Variants in PLXNA4 observed in about 807,000 individuals in gnomAD.
PLXNA4 encodes the protein plexin-A4.
PLXNA4 carries 44 observed loss-of-function variants against 191.8 expected under a neutral mutation model. The ratio of observed to expected loss-of-function variants is 0.23; its 90% confidence interval spans 0.18 to 0.29. The LOEUF (loss-of-function observed/expected upper bound fraction) is 0.29. Ranked by LOEUF, PLXNA4 falls within the 10% of genes least tolerant of loss-of-function variation. The probability of loss-of-function intolerance (pLI) is 1.00; values close to 1 mark genes in which losing one functional copy is unlikely to be tolerated. For synonymous variants in PLXNA4, 1,082 were observed against 1,009.5 expected, an observed-to-expected ratio of 1.07 and a Z score of -1.36; for missense variants, 1,800 against 2,488.8, an observed-to-expected ratio of 0.72 and a Z score of 5.89.
chr7:132,490,529 G>A (rs1797756284), intron 2 of PLXNA4, among the ~76,000 whole-genome samples: 1 of 146,988 alleles, frequency 6.8e-6, no homozygotes, highest in Admixed American at 7.0e-5. Flanking sequence ...AGGCTCAAGC[G>A]ATCCTCCAAC....
At chr7:132,273,985 A>G (rs1349199541) in intron 4 of PLXNA4, among the ~76,000 whole-genome samples, 1 of 149,868 alleles carries the variant, frequency 6.7e-6, no homozygotes, top group African/African-American at 2.5e-5. Context: ...CACCCATGCC[A>G]TAGAATACTA....
upstream of PLXNA4, among the ~76,000 whole-genome samples, chr7:132,578,262 C>T (rs1412501602): frequency 6.6e-6 from 1 of 152,030 alleles, no homozygotes; most frequent in East Asian, 1.9e-4. Context: ...TCCTCATACC[C>T]GCTCCCACCA....
At chr7:132,243,523 T>C (rs1348618758) in intron 4 of PLXNA4, among the ~76,000 whole-genome samples, 1 of 152,184 alleles carries the variant, frequency 6.6e-6, no homozygotes, top group Non-Finnish European at 1.5e-5. Flanking sequence ...TTGAAACTGG[T>C]GTTTAATAAT....
chr7:132,550,806 TTTGGGACTTA>T (rs56165604), intron 1 of PLXNA4, among the ~76,000 whole-genome samples: 145,704 of 151,910 alleles, frequency 0.96, 70,086 homozygotes, highest in East Asian at 1. Context: ...CCTCATCCAA[TTTGGGACTTA>T]TTGCAGTGCA....
intron 3 of PLXNA4, among the ~76,000 whole-genome samples, chr7:132,486,226 A>G (rs1419271589): frequency 6.6e-6 from 1 of 152,106 alleles, no homozygotes; most frequent in Non-Finnish European, 1.5e-5. Flanking sequence ...TTCCAGCAAA[A>G]TCCTCCTGCA....
intron 3 of PLXNA4, among the ~76,000 whole-genome samples, chr7:132,481,415 G>A (rs112776371): frequency 3.9e-5 from 6 of 152,056 alleles, no homozygotes; most frequent in African/African-American, 1.4e-4. Flanking sequence ...TACTCGATAC[G>A]GGTCCCAGGA....
intron 2 of PLXNA4, among the ~76,000 whole-genome samples, chr7:132,497,114 G>GCACA (rs1257499877): frequency 5.5e-5 from 4 of 73,066 alleles, no homozygotes; most frequent in Non-Finnish European, 9.4e-5. Context: ...GCACACTTGT[G>GCACA]CACGCACGCA....
chr7:132,477,159 G>A (rs576892624), intron 3 of PLXNA4, among the ~76,000 whole-genome samples: 1 of 152,300 alleles, frequency 6.6e-6, no homozygotes, highest in African/African-American at 2.4e-5. Flanking sequence ...TTGACTGAAT[G>A]TTGATGTTCA....
intron 3 of PLXNA4, among the ~76,000 whole-genome samples, chr7:132,367,254 G>T (rs1051680127): frequency 1.7e-4 from 26 of 152,344 alleles, no homozygotes; most frequent in African/African-American, 6.0e-4. Context: ...GCTGGGCTGT[G>T]GTGGCCACAC....
intron 2 of PLXNA4, among the ~76,000 whole-genome samples, chr7:132,587,047 G>C (rs1309093326): frequency 6.6e-6 from 1 of 152,210 alleles, no homozygotes; most frequent in Non-Finnish European, 1.5e-5. Context: ...AGTCCCAAAG[G>C]AAGCAGTCCC....
chr7:132,277,108 T>C (rs976246956), intron 4 of PLXNA4, among the ~76,000 whole-genome samples: 38 of 152,178 alleles, frequency 2.5e-4, no homozygotes, highest in Admixed American at 2.4e-3. Context: ...CCCTTTTTCT[T>C]AGAAGGCAAA....
chr7:132,296,857 G>A (rs551263988), intron 4 of PLXNA4, among the ~76,000 whole-genome samples: 1 of 151,924 alleles, frequency 6.6e-6, no homozygotes, highest in African/African-American at 2.4e-5. Context: ...CCCCTCCCAG[G>A]AAAAAATACT....
intron 3 of PLXNA4, among the ~76,000 whole-genome samples, chr7:132,387,741 T>C (rs941758621): frequency 2.0e-5 from 3 of 152,272 alleles, no homozygotes; most frequent in East Asian, 1.9e-4. Flanking sequence ...GATTCTGTAA[T>C]GGAGATTGTG....
At position 132,136,587 on chromosome 7, in the gene PLXNA4, G is replaced by A. The variant is rs891794599; in HGVS notation, c.5439-3388C>T. ...ATAAAGATCAGCACCCCACAGAGCC[G>A]CATCCTCCACTGTTGGCCAGTCTGC... On this transcript the variant is annotated intron_variant, in intron 30 of 31. Transcript: ENST00000321063. Among the ~76,000 whole-genome samples, 11 of 152,276 alleles carry A rather than the reference G, an allele frequency of 7.2e-5. No homozygotes were observed. In the South Asian group the frequency reaches 8.3e-4, roughly 11 times the overall value.
At chr7:132,468,586 T>A (rs1796798322) in intron 3 of PLXNA4, among the ~76,000 whole-genome samples, 1 of 152,100 alleles carries the variant, frequency 6.6e-6, no homozygotes, top group Admixed American at 6.5e-5. Context: ...TCTGTGGCCC[T>A]CTCACTCTTC....
At chr7:132,224,405 G>A (rs534908959) in intron 8 of PLXNA4, among the ~76,000 whole-genome samples, 100 of 152,150 alleles carry the variant, frequency 6.6e-4, no homozygotes, top group African/African-American at 2.1e-3. Context: ...CCCTTCTCCC[G>A]TGAATCTCTT....
intron 3 of PLXNA4, among the ~76,000 whole-genome samples, chr7:132,367,339 G>A (rs1804227712): frequency 6.6e-6 from 1 of 152,160 alleles, no homozygotes; most frequent in Non-Finnish European, 1.5e-5. Context: ...GACCAAAGAA[G>A]TATTTCCAAA....
chr7:132,546,297 A>G (rs1172441624), intron 1 of PLXNA4, among the ~76,000 whole-genome samples: 1 of 152,206 alleles, frequency 6.6e-6, no homozygotes, highest in Admixed American at 6.5e-5. Flanking sequence ...CTAAGAAAGG[A>G]CAAGTATTAG....
intron 5 of PLXNA4, among the ~76,000 whole-genome samples, chr7:132,230,093 A>T (rs1472480616): frequency 6.6e-6 from 1 of 152,218 alleles, no homozygotes; most frequent in Non-Finnish European, 1.5e-5. Flanking sequence ...AACACCCCTG[A>T]ACAGTACATT....
Sources: gnomAD v4.1 joint callset for allele counts (sites outside exome capture counted in the v4.1 genomes callset) on GRCh38, gnomAD v4.1.1 for gene constraint, MANE v1.5 for transcripts, NCBI Gene and HGNC (gene_info 2026-07-23, HGNC 2026-07-21) for gene names.